RALGDS: variants seen among roughly 807,000 people sequenced by gnomAD.
RALGDS encodes ral guanine nucleotide exchange factor.
RALGDS carries 44 observed loss-of-function variants against 99.8 expected under a neutral mutation model. The ratio of observed to expected loss-of-function variants is 0.44; its 90% CI spans 0.35 to 0.57. The LOEUF is 0.57. Ranked by LOEUF, RALGDS falls within the 20% of genes least tolerant of loss-of-function variation. The pLI is 0.01. For missense variants in RALGDS, 1,022 were observed against 1,203.1 expected, an observed-to-expected ratio of 0.85 and a Z score of 2.23; for synonymous variants, 529 against 505.0, an observed-to-expected ratio of 1.05 and a Z score of -0.64.
Position 133,102,148 on chromosome 9 carries a change from A to G in RALGDS, c.2010-9T>C, listed in dbSNP as rs757207457. 1 of 1,558,842 alleles carries G rather than the reference A, an allele frequency of 6.4e-7. No homozygotes were observed. Among genetic ancestry groups the G allele is most frequent in the Non-Finnish European group, 8.7e-7 (1 of 1,150,130 alleles). On this transcript the variant is annotated splice_polypyrimidine_tract_variant and intron_variant, in intron 14 of 17. Transcript: ENST00000372050. ...TGCTGGGGGCCTGGCGGCTGGGTGA[A>G]GAGTTGGCTTAGTTAAGGGGGCTCC... is the stretch of plus-strand genomic sequence containing the variant.
intron 1 of RALGDS, among the ~76,000 whole-genome samples, chr9:133,114,091 C>T (rs989658150): frequency 5.9e-5 from 9 of 152,198 alleles, no homozygotes. Context: ...CAGCAGCTGG[C>T]CCAGCCCTGC....
intron 3 of RALGDS, among the ~76,000 whole-genome samples, chr9:133,110,001 A>G (rs1831262952): frequency 6.6e-6 from 1 of 152,128 alleles, no homozygotes; most frequent in African/African-American, 2.4e-5. Flanking sequence ...GGCCACATAC[A>G]AGAGAGGCTT....
intron 8 of RALGDS, 79 bp downstream of exon 8, chr9:133,106,566 C>T (rs998560775): frequency 8.7e-6 from 10 of 1,147,924 alleles, no homozygotes; most frequent in Non-Finnish European, 1.3e-5. Flanking sequence ...TGTGGCCTCC[C>T]ATGGGCTCAC....
chr9:133,137,628 C>T lies in RALGDS; in HGVS notation c.18+11335G>A, dbSNP rs142754705. Reference sequence around the variant, plus strand: ...AGAGGCAAGCCAGGCGGGGGAAGAGCGAGGAGGAAGGCAGCCAGGCTTTCT... The same window carrying T: ...AGAGGCAAGCCAGGCGGGGGAAGAGTGAGGAGGAAGGCAGCCAGGCTTTCT... On this transcript the variant is annotated intron_variant, in intron 1 of 17. Transcript: ENST00000393160. 5.3e-3 allele frequency among the ~76,000 whole-genome samples: 808 copies of T among 152,324 alleles called. 12 individuals carry two copies. Among genetic ancestry groups the T allele is most frequent in the African/African-American group, 0.016 (664 of 41,576 alleles).
At chr9:133,126,730 A>C (rs1832172310) in intron 1 of RALGDS, among the ~76,000 whole-genome samples, 1 of 152,228 alleles carries the variant, frequency 6.6e-6, no homozygotes, top group South Asian at 2.1e-4. Flanking sequence ...ACACAGATGG[A>C]AACTGAGCCC....
chr9:133,101,777 A>G lies in RALGDS; in HGVS notation c.2212-15T>C, dbSNP rs775973956. The G allele has an allele frequency of 9.0e-5, 143 of 1,591,376 alleles. No homozygotes were observed. Among genetic ancestry groups the G allele is most frequent in the Non-Finnish European group, 1.2e-4 (139 of 1,168,756 alleles). On this transcript the variant is annotated splice_polypyrimidine_tract_variant and intron_variant, in intron 15 of 17. Transcript: ENST00000372050. ...GATTCCCAGAACTGAGGGAGACGGT[A>G]AGATCAGCAGATCCCACTGCCCTGT...
intron 17 of RALGDS, 99 bp from the exon 18 acceptor site, chr9:133,098,861 C>T (rs1414028091): frequency 1.6e-6 from 2 of 1,217,572 alleles, no homozygotes; most frequent in African/African-American, 1.5e-5. Context: ...TCTTGAGCCA[C>T]AGACCTCAGA....
chr9:133,140,299 T>C (rs1832497032), intron 1 of RALGDS, among the ~76,000 whole-genome samples: 1 of 146,236 alleles, frequency 6.8e-6, no homozygotes, highest in Admixed American at 6.8e-5. Context: ...CACACACATC[T>C]GGGATCAGGA....
chr9:133,118,385 T>C (rs568055694), intron 1 of RALGDS, among the ~76,000 whole-genome samples: 21 of 152,300 alleles, frequency 1.4e-4, no homozygotes, highest in African/African-American at 4.8e-4. Flanking sequence ...AGAGAAGCCC[T>C]CTTCACTCCA....
upstream of RALGDS, among the ~76,000 whole-genome samples, chr9:133,125,198 C>T (rs182684413): frequency 6.6e-6 from 1 of 152,296 alleles, no homozygotes; most frequent in East Asian, 1.9e-4. Flanking sequence ...TATTGGATGA[C>T]ATTAGACATC....
chr9:133,101,915 T>C (rs569018342), intron 15 of RALGDS, 23 bp downstream of exon 15: 161 of 1,550,840 alleles, frequency 1.0e-4, no homozygotes, highest in Non-Finnish European at 5.2e-6. Flanking sequence ...GAAAGGATAT[T>C]GGGGAGAAGG....
intron 2 of RALGDS, 26 bp from the exon 3 acceptor site, chr9:133,110,515 A>C (rs754404837): frequency 1.0e-5 from 16 of 1,581,690 alleles, no homozygotes; most frequent in Non-Finnish European, 1.4e-5. Flanking sequence ...GGAGGGACAG[A>C]CAGTCAGTGG....
chr9:133,108,833 G>A lies in RALGDS; in HGVS notation c.618C>T (p.Asp206=). 1 of 1,613,056 alleles carries A rather than the reference G, an allele frequency of 6.2e-7. No homozygotes were observed. ...AISSILGTWL[D]QYSEDFCQPP... is the part of the protein sequence containing the mutation. The stretch of plus-strand genomic sequence containing the variant: ...GTTGACAGAAATCCTCCGAGTACTG[G>A]TCCAGCCAGGTGCCCAGGATGGAGG... Residue 206 remains aspartate, a synonymous_variant, in exon 5 of 18, where the codon GAC becomes GAT. Transcript: ENST00000372050.
At chr9:133,136,960 C>T (rs1315658336) in intron 1 of RALGDS, among the ~76,000 whole-genome samples, 4 of 149,794 alleles carry the variant, frequency 2.7e-5, no homozygotes, top group Non-Finnish European at 4.5e-5. Context: ...CAAGGCTGGG[C>T]GTGGTGGCTT....
rs1830590526 is a variant in RALGDS at position 133,098,232 on chromosome 9, T to C, written c.*355A>G. 1 of 421,388 alleles carries C rather than the reference T, an allele frequency of 2.4e-6. No individual in the cohort carries two copies. The highest frequency in any genetic ancestry group is 3.9e-5 in the Admixed American group (1 of 25,682). The allele number at this position is 421,388 out of a possible 1,614,324, so 26.1% of individuals were successfully genotyped here. ...CACAGTGGGTGCTCTGGGGTGCCCA[T>C]GGGCACAGGTGGCAGTGACCCACAC... On this transcript the variant is annotated 3_prime_UTR_variant, in exon 18 of 18. Coordinates refer to ENST00000372050, the MANE Select transcript of RALGDS (RefSeq NM_006266.4).
chr9:133,139,688 G>T (rs1484486592), intron 1 of RALGDS, among the ~76,000 whole-genome samples: 1 of 152,190 alleles, frequency 6.6e-6, no homozygotes, highest in African/African-American at 2.4e-5. Context: ...TCAACTTAGG[G>T]CCTGCAAGTG....
intron 12 of RALGDS, 35 bp from the exon 13 acceptor site, chr9:133,102,935 G>C: frequency 6.2e-7 from 1 of 1,610,550 alleles, no homozygotes; most frequent in Non-Finnish European, 8.5e-7. Flanking sequence ...CGGTGACAAG[G>C]CCCCCCGGGC....
At position 133,110,501 on chromosome 9, in the gene RALGDS, C is replaced by G. The variant is rs761072949; in HGVS notation, c.295-12G>C. The stretch of plus-strand genomic sequence containing the variant: ...GACTCATTCTCATACTGGGGTGGGA[C>G]AGAGGAGGGACAGACAGTCAGTGGC... On this transcript the variant is annotated splice_polypyrimidine_tract_variant and intron_variant, in intron 2 of 17. Transcript: ENST00000372050. 3.1e-6 allele frequency: 5 copies of G among 1,603,624 alleles called. No individual in the cohort carries two copies. The highest frequency in any genetic ancestry group is 2.6e-6 in the Non-Finnish European group (3 of 1,172,128).
upstream of RALGDS, among the ~76,000 whole-genome samples, chr9:133,133,321 C>T (rs1455015182): frequency 6.6e-6 from 1 of 152,200 alleles, no homozygotes; most frequent in Non-Finnish European, 1.5e-5. Flanking sequence ...GCAGGAGGAG[C>T]AGCACCAGCT....
Sources: gnomAD v4.1 joint callset for allele counts (sites outside exome capture counted in the v4.1 genomes callset) on GRCh38, gnomAD v4.1.1 for gene constraint, MANE v1.5 for transcripts, NCBI Gene and HGNC (gene_info 2026-07-23, HGNC 2026-07-21) for gene names.